ADAM23: variants seen among roughly 807,000 people sequenced by gnomAD.
ADAM23 encodes disintegrin and metalloproteinase domain-containing protein 23.
In ADAM23, 33 loss-of-function variants were observed where a neutral mutation model predicts 120.1. The observed-to-expected ratio is 0.27, with a 90% CI of 0.21 to 0.37. The LOEUF is 0.37. Among genes scored for constraint, ADAM23 ranks in the 10% least tolerant of loss-of-function variants. The pLI, the probability that ADAM23 is intolerant of heterozygous loss-of-function variation, is 1.00. For missense variants in ADAM23, 862 were observed against 1,058.2 expected, an observed-to-expected ratio of 0.81 and a Z score of 2.57; for synonymous variants, 367 against 375.2, an observed-to-expected ratio of 0.98 and a Z score of 0.25.
In ADAM23 at chr2:206,600,163, C is replaced by T. The variant is rs1454001785; in HGVS notation, c.2359+4001C>T. 5.9e-5 allele frequency among the ~76,000 whole-genome samples: 9 copies of T among 152,278 alleles called. No individual in the cohort carries two copies. In the South Asian group the frequency reaches 1.0e-3, roughly 18 times the overall value. On this transcript the variant is annotated intron_variant, in intron 24 of 25. Transcript: ENST00000264377. Reference sequence around the variant, plus strand: ...CTTGCAGTGAGCTGAGATCGCGACACTGCACTCCAACCTGGGCAACAGAGT... The same window carrying T: ...CTTGCAGTGAGCTGAGATCGCGACATTGCACTCCAACCTGGGCAACAGAGT...
At position 206,477,897 on chromosome 2, in the gene ADAM23, A is replaced by AAAAAT. The variant is rs374524658; in HGVS notation, c.433-3334_433-3333insAAATA. On this transcript the variant is annotated intron_variant, in intron 2 of 25. Coordinates refer to ENST00000264377, the MANE Select transcript of ADAM23 (RefSeq NM_003812.4). ...TATTCTGTTAAAAAAAAAAAAAAAA[A>AAAAAT]ATATATATATATATATATATATATA... Among the ~76,000 whole-genome samples the AAAAAT allele has an allele frequency of 2.6e-3, 241 of 93,548 alleles. 3 individuals are homozygous for AAAAAT. The highest frequency in any genetic ancestry group is 0.012 in the African/African-American group (234 of 19,370). The allele number at this position is 93,548 out of a possible 152,430, so 61.4% of individuals were successfully genotyped here.
At chr2:206,471,291 C>T (rs1043654752) in intron 2 of ADAM23, among the ~76,000 whole-genome samples, 1 of 152,166 alleles carries the variant, frequency 6.6e-6, no homozygotes, top group Non-Finnish European at 1.5e-5. Context: ...TTTTGTATTT[C>T]AGAATTTCTC....
chr2:206,542,691 G>A (rs1460808161), intron 5 of ADAM23, among the ~76,000 whole-genome samples: 8 of 151,992 alleles, frequency 5.3e-5, no homozygotes, highest in Non-Finnish European at 1.0e-4. Context: ...GAAACTTTTC[G>A]CCCTTTTATA....
intron 3 of ADAM23, among the ~76,000 whole-genome samples, chr2:206,493,309 A>C (rs1696169375): frequency 6.6e-6 from 1 of 152,256 alleles, no homozygotes; most frequent in South Asian, 2.1e-4. Flanking sequence ...CCATGATGAT[A>C]TCCATGAGCC....
chr2:206,615,986 C>T (rs1698928844), intron 25 of ADAM23, among the ~76,000 whole-genome samples: 1 of 152,216 alleles, frequency 6.6e-6, no homozygotes, highest in Admixed American at 6.5e-5. Flanking sequence ...CTTTCCTCTA[C>T]ATTTGGATTT....
At chr2:206,615,391 C>T (rs754987884) in intron 25 of ADAM23, among the ~76,000 whole-genome samples, 1 of 152,186 alleles carries the variant, frequency 6.6e-6, no homozygotes, top group Non-Finnish European at 1.5e-5. Flanking sequence ...TCAGCAAGGA[C>T]CTGCCCGCAG....
intron 2 of ADAM23, among the ~76,000 whole-genome samples, chr2:206,455,371 T>G (rs754645966): frequency 9.5e-4 from 145 of 152,186 alleles, no homozygotes; most frequent in Non-Finnish European, 1.9e-3. Flanking sequence ...GGGGCCCAGG[T>G]CTGGCCCAAG....
intron 3 of ADAM23, among the ~76,000 whole-genome samples, chr2:206,510,923 A>G (rs188550970): frequency 9.2e-5 from 14 of 152,286 alleles, no homozygotes; most frequent in South Asian, 4.1e-4. Flanking sequence ...AACATGGTAT[A>G]GTTTTTTGAG....
intron 2 of ADAM23, among the ~76,000 whole-genome samples, chr2:206,472,630 A>G (rs1418082276): frequency 6.9e-6 from 1 of 144,386 alleles, no homozygotes; most frequent in African/African-American, 2.6e-5. Context: ...AAAAAAAAAG[A>G]GTACCTCAAA....
chr2:206,580,573 G>A (rs980856658), intron 18 of ADAM23, among the ~76,000 whole-genome samples: 1 of 152,162 alleles, frequency 6.6e-6, no homozygotes, highest in Non-Finnish European at 1.5e-5. Context: ...AAACCCACTT[G>A]ATCATGGTGG....
At chr2:206,445,608 A>C in intron 2 of ADAM23, 84 bp downstream of exon 2, 1 of 1,175,560 alleles carries the variant, frequency 8.5e-7, no homozygotes, top group Non-Finnish European at 1.2e-6. Flanking sequence ...CTGAGTTCAC[A>C]AATTTTACTG....
chr2:206,453,341 A>G (rs1695234760), intron 2 of ADAM23, among the ~76,000 whole-genome samples: 1 of 152,228 alleles, frequency 6.6e-6, no homozygotes. Flanking sequence ...TCAGAACATC[A>G]TGTCATCTCC....
Position 206,606,913 on chromosome 2 carries a change from A to G in ADAM23, c.2360-2997A>G, listed in dbSNP as rs113383995. 2.0e-3 allele frequency among the ~76,000 whole-genome samples: 304 copies of G among 152,314 alleles called. 2 individuals carry two copies. Among genetic ancestry groups the G allele is most frequent in the African/African-American group, 6.9e-3 (285 of 41,564 alleles). The stretch of plus-strand genomic sequence containing the variant: ...TACTAGTATCTTCAGGAATCACTAG[A>G]TATCTTTGACTCACCCATCCCAAAT... On this transcript the variant is annotated intron_variant, in intron 24 of 25. Transcript: ENST00000264377.
intron 2 of ADAM23, among the ~76,000 whole-genome samples, chr2:206,451,771 AG>A (rs1262567158): frequency 6.6e-6 from 1 of 152,168 alleles, no homozygotes; most frequent in Admixed American, 6.5e-5. Context: ...TGAAGGTGGA[AG>A]GTTGTGAAGA....
In ADAM23 at chr2:206,598,991, G is replaced by A. The variant is rs566709245; in HGVS notation, c.2359+2829G>A. Among the ~76,000 whole-genome samples, 217 of 151,530 alleles carry A rather than the reference G, an allele frequency of 1.4e-3. 1 individual carries two copies. The highest frequency in any genetic ancestry group is 5.0e-3 in the African/African-American group (206 of 41,280). ...AGGCCCAGGCAGGCGGATCACCTGGGGTCAGGAGTTTGAGACCAGCCTGGC... is the reference window on the plus strand; with the variant it reads ...AGGCCCAGGCAGGCGGATCACCTGGAGTCAGGAGTTTGAGACCAGCCTGGC... On this transcript the variant is annotated intron_variant, in intron 24 of 25. Coordinates refer to ENST00000264377, the MANE Select transcript of ADAM23 (RefSeq NM_003812.4).
At chr2:206,527,593 G>C (rs760619180) in intron 3 of ADAM23, among the ~76,000 whole-genome samples, 2 of 152,182 alleles carry the variant, frequency 1.3e-5, no homozygotes, top group Non-Finnish European at 2.9e-5. Context: ...TGCTGATTTT[G>C]CTTAGTTTCA....
chr2:206,547,032 A>G (rs1011898701), intron 6 of ADAM23, among the ~76,000 whole-genome samples: 6 of 152,084 alleles, frequency 3.9e-5, no homozygotes, highest in East Asian at 1.9e-4. Context: ...TTAACTATGG[A>G]TATCGTAATT....
chr2:206,477,283 T>G (rs895670537), intron 2 of ADAM23, among the ~76,000 whole-genome samples: 7 of 152,232 alleles, frequency 4.6e-5, no homozygotes, highest in African/African-American at 1.7e-4. Context: ...TGCTAAGACG[T>G]GTAAACTGTT....
At position 206,564,217 on chromosome 2, in the gene ADAM23, G is replaced by A. The variant is rs115645535; in HGVS notation, c.1346-803G>A. On this transcript the variant is annotated intron_variant, in intron 13 of 25. Coordinates refer to ENST00000264377, the MANE Select transcript of ADAM23 (RefSeq NM_003812.4). ...GTTGATATATATTGCTCTCTCTATC[G>A]ATATATCGATAGAGAGAGAGGCATA... Among the ~76,000 whole-genome samples the A allele has an allele frequency of 1.9e-3, 289 of 151,160 alleles. 1 individual carries two copies. Among genetic ancestry groups the A allele is most frequent in the African/African-American group, 6.8e-3 (278 of 41,158 alleles).
Sources: allele counts gnomAD v4.1 joint callset (sites outside exome capture counted in the v4.1 genomes callset), GRCh38; gene constraint gnomAD v4.1.1; transcripts MANE v1.5; gene names NCBI Gene and HGNC (gene_info 2026-07-23, HGNC 2026-07-21).